Variants in NTM observed in about 807,000 individuals in gnomAD.
NTM encodes neurotrimin, also known as IgLON family member 2.
A neutral mutation model predicts 42.1 loss-of-function variants in NTM; 13 were observed. That is an observed-to-expected ratio of 0.31 (90% confidence interval 0.20 to 0.49). The LOEUF (loss-of-function observed/expected upper bound fraction) is 0.49, where lower values mean the gene tolerates loss of function less well. NTM is among the 20% of genes least tolerant of loss of function. The pLI is 0.99. For missense variants in NTM, 373 were observed against 452.8 expected (o/e 0.82, Z 1.60); for synonymous variants, 187 against 179.2 (o/e 1.04, Z -0.35).
intron 2 of NTM, among the ~76,000 whole-genome samples, chr11:132,077,030 A>G (rs905025184): frequency 5.3e-5 from 8 of 152,184 alleles, no homozygotes; most frequent in African/African-American, 1.7e-4. Context: ...ACAAGTTGAA[A>G]CTGCTTTCTT....
chr11:132,090,198 C>T (rs2060220057), intron 2 of NTM, among the ~76,000 whole-genome samples: 1 of 152,134 alleles, frequency 6.6e-6, no homozygotes, highest in Non-Finnish European at 1.5e-5. Context: ...AGAAGGTGAG[C>T]ACTTAAACCA....
At chr11:132,163,264 C>A (rs36090941) in intron 3 of NTM, among the ~76,000 whole-genome samples, 1 of 152,218 alleles carries the variant, frequency 6.6e-6, no homozygotes, top group East Asian at 1.9e-4. Context: ...CTGCTCCAGG[C>A]TGGGGTCCTT....
At chr11:131,464,350 A>C (rs550138801) in intron 1 of NTM, among the ~76,000 whole-genome samples, 1 of 141,248 alleles carries the variant, frequency 7.1e-6, no homozygotes, top group East Asian at 2.1e-4. Flanking sequence ...GCAGCAACGC[A>C]GGGAAAGCTG....
chr11:131,517,451 G>A (rs2049034773), intron 1 of NTM, among the ~76,000 whole-genome samples: 2 of 152,148 alleles, frequency 1.3e-5, no homozygotes, highest in African/African-American at 2.4e-5. Flanking sequence ...ATTATTATGA[G>A]GCAAAACAAT....
At chr11:131,682,097 G>A (rs911167761) in intron 1 of NTM, among the ~76,000 whole-genome samples, 1 of 152,258 alleles carries the variant, frequency 6.6e-6, no homozygotes, top group Admixed American at 6.5e-5. Context: ...CCTTTCACCC[G>A]CCCTCCACGG....
chr11:131,879,650 GA>G (rs1331182857), intron 1 of NTM, among the ~76,000 whole-genome samples: 1 of 151,856 alleles, frequency 6.6e-6, no homozygotes, highest in Non-Finnish European at 1.5e-5. Context: ...TTAATTTTTT[GA>G]AAAAAATACT....
intron 1 of NTM, among the ~76,000 whole-genome samples, chr11:131,905,251 T>C (rs551665022): frequency 2.0e-5 from 3 of 152,214 alleles, no homozygotes; most frequent in Admixed American, 6.5e-5. Context: ...GGGTGAATAT[T>C]TGACTTCTGG....
intron 1 of NTM, among the ~76,000 whole-genome samples, chr11:131,756,152 T>C (rs562992228): frequency 1.3e-5 from 2 of 152,320 alleles, no homozygotes; most frequent in East Asian, 1.9e-4. Context: ...GCAGGTGTTA[T>C]GTCAGTGGTG....
intron 2 of NTM, among the ~76,000 whole-genome samples, chr11:132,108,480 T>C (rs1011471163): frequency 6.6e-6 from 1 of 152,004 alleles, no homozygotes; most frequent in African/African-American, 2.4e-5. Flanking sequence ...GGAGCTAAAC[T>C]CTGAGGACGC....
intron 2 of NTM, among the ~76,000 whole-genome samples, chr11:132,112,248 C>T (rs2063308129): frequency 6.7e-6 from 1 of 148,602 alleles, no homozygotes; most frequent in African/African-American, 2.4e-5. Context: ...ACCATTTGTC[C>T]TGTCCACTAT....
At chr11:131,416,846 T>C (rs1014205458) in intron 1 of NTM, among the ~76,000 whole-genome samples, 2 of 152,208 alleles carry the variant, frequency 1.3e-5, no homozygotes, top group African/African-American at 2.4e-5. Flanking sequence ...AGCAGAGAAG[T>C]GCAAGTGGAA....
intron 3 of NTM, among the ~76,000 whole-genome samples, chr11:132,195,121 C>T (rs1408341167): frequency 6.6e-6 from 1 of 152,006 alleles, no homozygotes; most frequent in Non-Finnish European, 1.5e-5. Context: ...CTGCACCTGA[C>T]TGAAATCAAT....
At chr11:131,583,520 G>A (rs1389385661) in intron 1 of NTM, among the ~76,000 whole-genome samples, 1 of 152,148 alleles carries the variant, frequency 6.6e-6, no homozygotes, top group East Asian at 1.9e-4. Flanking sequence ...AAATCACCCT[G>A]GCAAGTGTGC....
chr11:131,877,601 C>T (rs1356936597), intron 1 of NTM: 1 of 152,146 alleles, frequency 6.6e-6, no homozygotes, highest in Non-Finnish European at 1.5e-5. Flanking sequence ...CTCGGGCAGG[C>T]TTAAATCTCT....
At chr11:131,871,920 A>G (rs184057970) in intron 1 of NTM, among the ~76,000 whole-genome samples, 1 of 152,210 alleles carries the variant, frequency 6.6e-6, no homozygotes, top group South Asian at 2.1e-4. Flanking sequence ...AGCTTCAGCC[A>G]ATTTCAGTCC....
At chr11:131,918,502 A>AT (rs1369223287) in intron 2 of NTM, among the ~76,000 whole-genome samples, 1 of 152,088 alleles carries the variant, frequency 6.6e-6, no homozygotes, top group Non-Finnish European at 1.5e-5. Flanking sequence ...GATTACTCTG[A>AT]TTTTACAGAG....
chr11:131,871,000 C>T (rs2047719817), intron 1 of NTM, among the ~76,000 whole-genome samples: 2 of 152,184 alleles, frequency 1.3e-5, no homozygotes, highest in South Asian at 4.1e-4. Context: ...AATCTACAAG[C>T]TGCCATACAG....
Position 131,540,078 on chromosome 11 carries a change from G to A in NTM, c.82+169190G>A, listed in dbSNP as rs139184220. Among the ~76,000 whole-genome samples the A allele has an allele frequency of 8.9e-3, 1,351 of 151,824 alleles. 14 individuals are homozygous for A. Among genetic ancestry groups the A allele is most frequent in the South Asian group, 0.023 (108 of 4,798 alleles). On this transcript the variant is annotated intron_variant, in intron 1 of 8. Transcript: ENST00000683400. Reference sequence around the variant, plus strand: ...CTGTGGAGTCCCTTAAAAAGCTCTGGCTGATTCATTAGAAAATGCATAGCA... The same window carrying A: ...CTGTGGAGTCCCTTAAAAAGCTCTGACTGATTCATTAGAAAATGCATAGCA...
chr11:131,562,119 G>C (rs1434531426), intron 1 of NTM, among the ~76,000 whole-genome samples: 1 of 152,136 alleles, frequency 6.6e-6, no homozygotes, highest in Non-Finnish European at 1.5e-5. Flanking sequence ...AGCAGGCCAC[G>C]CACTGAAGCA....
Sources: gnomAD v4.1 joint callset for allele counts (sites outside exome capture counted in the v4.1 genomes callset) on GRCh38, gnomAD v4.1.1 for gene constraint, MANE v1.5 for transcripts, NCBI Gene and HGNC (gene_info 2026-07-23, HGNC 2026-07-21) for gene names.